Variants in BPI observed in about 807,000 individuals in gnomAD.
BPI encodes the protein bactericidal permeability increasing protein.
A neutral mutation model predicts 57.6 loss-of-function variants in BPI; 48 were observed. That is an observed-to-expected ratio of 0.83 (90% CI 0.66 to 1.06). The LOEUF (loss-of-function observed/expected upper bound fraction) is 1.06, where lower values mean the gene tolerates loss of function less well. BPI is among the 50% of genes least tolerant of loss of function. The probability of loss-of-function intolerance (pLI) is 0.00; values close to 1 mark genes in which losing one functional copy is unlikely to be tolerated. For synonymous variants in BPI, 237 were observed against 238.2 expected, an observed-to-expected ratio of 0.99 and a Z score of 0.05; for missense variants, 651 against 609.7, an observed-to-expected ratio of 1.07 and a Z score of -0.71.
chr20:38,309,833 A>G (rs1341021), intron 3 of BPI, among the ~76,000 whole-genome samples: 141,730 of 152,206 alleles, frequency 0.93, 66,600 homozygotes, highest in Non-Finnish European at 1. Context: ...TCTCCTTTCT[A>G]GGGAATCTAG....
At chr20:38,329,655 C>G in intron 11 of BPI, among the ~76,000 whole-genome samples, 1 of 152,122 alleles carries the variant, frequency 6.6e-6, no homozygotes, top group East Asian at 1.9e-4. Flanking sequence ...AAGCTTTGTA[C>G]AGTGTTGGAG....
intron 11 of BPI, among the ~76,000 whole-genome samples, chr20:38,328,912 G>A (rs1057418678): frequency 3.3e-5 from 5 of 151,984 alleles, no homozygotes; most frequent in African/African-American, 1.2e-4. Flanking sequence ...AGGCTGAGGT[G>A]GGAGGATCAC....
intron 4 of BPI, among the ~76,000 whole-genome samples, chr20:38,310,870 T>C (rs1295687017): frequency 6.6e-6 from 1 of 152,242 alleles, no homozygotes; most frequent in Non-Finnish European, 1.5e-5. Context: ...CAGCAGACTT[T>C]ACTGAGCACT....
intron 11 of BPI, among the ~76,000 whole-genome samples, chr20:38,327,943 G>A (rs923818850): frequency 6.6e-6 from 1 of 152,190 alleles, no homozygotes; most frequent in Non-Finnish European, 1.5e-5. Context: ...TGTGTTCTGG[G>A]ATATGGCCAG....
chr20:38,336,960 G>A (rs928120385), intron 14 of BPI, among the ~76,000 whole-genome samples, 186 bp from the exon 15 acceptor site: 12 of 152,048 alleles, frequency 7.9e-5, no homozygotes, highest in African/African-American at 2.7e-4. Context: ...TGACAGATTC[G>A]CAGATGTTGG....
intron 5 of BPI, among the ~76,000 whole-genome samples, chr20:38,312,436 GC>G (rs1358393029): frequency 3.9e-5 from 6 of 152,236 alleles, no homozygotes; most frequent in Non-Finnish European, 5.9e-5. Context: ...CCCGAACCAT[GC>G]CCATAGCCTA....
chr20:38,334,305 A>T (rs1189587640), intron 12 of BPI, 125 bp from the exon 13 acceptor site: 9 of 900,706 alleles, frequency 1.0e-5, no homozygotes. Flanking sequence ...CAGTTTTCCC[A>T]ACTGCGCGGT....
intron 11 of BPI, among the ~76,000 whole-genome samples, chr20:38,328,842 A>G (rs1401864912): frequency 6.6e-6 from 1 of 151,364 alleles, no homozygotes; most frequent in Admixed American, 6.6e-5. Context: ...ACCAAAAAAA[A>G]AAAAATTGTT....
At chr20:38,318,225 G>A (rs1317529797) in intron 5 of BPI, among the ~76,000 whole-genome samples, 188 bp from the exon 6 acceptor site, 1 of 152,122 alleles carries the variant, frequency 6.6e-6, no homozygotes, top group Non-Finnish European at 1.5e-5. Context: ...GTCATATACA[G>A]TTATTATTTC....
At chr20:38,320,988 AG>A (rs2076679918) in intron 7 of BPI, among the ~76,000 whole-genome samples, 1 of 4,708 alleles carries the variant, frequency 2.1e-4, no homozygotes, top group Admixed American at 2.8e-3. Context: ...GTGGGTGGGT[AG>A]ACAGGTGGAT....
chr20:38,330,978 T>C, intron 11 of BPI, 70 bp from the exon 12 acceptor site: 1 of 1,557,422 alleles, frequency 6.4e-7, no homozygotes, highest in Non-Finnish European at 8.9e-7. Context: ...GGGTCTCTCC[T>C]CTCTAGAGAC....
At chr20:38,318,895 G>T (rs538744616) in intron 6 of BPI, among the ~76,000 whole-genome samples, 1 of 152,218 alleles carries the variant, frequency 6.6e-6, no homozygotes, top group Non-Finnish European at 1.5e-5. Context: ...GAAATTGTCC[G>T]CTCTCAGCCT....
At chr20:38,307,747 T>G (rs2076603834) in intron 2 of BPI, 66 bp downstream of exon 2, 1 of 1,312,534 alleles carries the variant, frequency 7.6e-7, no homozygotes, top group African/African-American at 1.5e-5. Flanking sequence ...CACCAAGAGC[T>G]AGAATGCAGA....
chr20:38,326,620 A>G, intron 10 of BPI, 188 bp downstream of exon 10: 1 of 583,628 alleles, frequency 1.7e-6, no homozygotes, highest in South Asian at 3.4e-5. Context: ...CCAGCCATTC[A>G]CTAGTGCGTT....
rs185941621 is a variant in BPI at position 38,321,977 on chromosome 20, C to T, written c.756+1703C>T. ...GCACACATATGTACTCACATATAGA[C>T]AACAAAATACACACAGACATATATT... is the stretch of plus-strand genomic sequence containing the variant. On this transcript the variant is annotated intron_variant, in intron 7 of 14. Coordinates refer to ENST00000642449, the MANE Select transcript of BPI (RefSeq NM_001725.3). Among the ~76,000 whole-genome samples the T allele has an allele frequency of 1.7e-4, 26 of 152,226 alleles. No individual in the cohort carries two copies. The East Asian group carries it at 3.9e-3, about 23-fold the overall frequency.
chr20:38,326,235 T>G, intron 9 of BPI, 30 bp from the exon 10 acceptor site: 1 of 1,590,544 alleles, frequency 6.3e-7, no homozygotes, highest in Non-Finnish European at 8.6e-7. Flanking sequence ...AACTCCTCCT[T>G]TCGTTGATTG....
At chr20:38,316,860 C>A (rs1193601991) in intron 5 of BPI, among the ~76,000 whole-genome samples, 2 of 152,118 alleles carry the variant, frequency 1.3e-5, no homozygotes, top group Non-Finnish European at 2.9e-5. Flanking sequence ...CCACAGGGGC[C>A]ATGGGGATGC....
At chr20:38,334,049 C>A (rs948251514) in intron 12 of BPI, among the ~76,000 whole-genome samples, 1 of 152,022 alleles carries the variant, frequency 6.6e-6, no homozygotes, top group Non-Finnish European at 1.5e-5. Context: ...GCCAAATAGC[C>A]GTCAAAGAGG....
At chr20:38,308,858 C>T in intron 2 of BPI, 72 bp from the exon 3 acceptor site, 1 of 1,579,236 alleles carries the variant, frequency 6.3e-7, no homozygotes, top group South Asian at 1.1e-5. Flanking sequence ...CTGCATTAAC[C>T]ATTAACGAAG....
Sources: allele counts gnomAD v4.1 joint callset (sites outside exome capture counted in the v4.1 genomes callset), GRCh38; gene constraint gnomAD v4.1.1; transcripts MANE v1.5; gene names NCBI Gene and HGNC (gene_info 2026-07-23, HGNC 2026-07-21).